Variants in SANBR observed in about 807,000 individuals in gnomAD.
SANBR encodes SANT and BTB domain regulator of class switch recombination.
A neutral mutation model predicts 101.8 loss-of-function variants in SANBR; 77 were observed. That is an observed-to-expected ratio of 0.76 (90% CI 0.63 to 0.91). The LOEUF (loss-of-function observed/expected upper bound fraction) is 0.91. Ranked by LOEUF, SANBR falls within the 40% of genes least tolerant of loss-of-function variation. The probability of loss-of-function intolerance (pLI) is 0.00; values close to 1 mark genes in which losing one functional copy is unlikely to be tolerated. For missense variants in SANBR, 875 were observed against 853.0 expected, an observed-to-expected ratio of 1.03 and a Z score of -0.32; for synonymous variants, 279 against 274.7, an observed-to-expected ratio of 1.02 and a Z score of -0.15.
At chr2:61,106,759 T>G (rs879728759) in intron 14 of SANBR, 97 bp downstream of exon 14, 2 of 699,722 alleles carry the variant, frequency 2.9e-6, no homozygotes, top group East Asian at 2.9e-5. Context: ...GAAATTGAAC[T>G]GACTACCTAA....
chr2:61,096,827 T>G (rs1406079123), intron 11 of SANBR, among the ~76,000 whole-genome samples: 5 of 152,188 alleles, frequency 3.3e-5, no homozygotes, highest in African/African-American at 1.2e-4. Context: ...GTCATAATTT[T>G]TATTAATACT....
chr2:61,133,881 G>T (rs1236157928), intron 20 of SANBR, among the ~76,000 whole-genome samples: 1 of 152,206 alleles, frequency 6.6e-6, no homozygotes, highest in Non-Finnish European at 1.5e-5. Context: ...GGTTGCATAA[G>T]TCTGAGAGTA....
intron 3 of SANBR, among the ~76,000 whole-genome samples, chr2:61,071,078 T>A (rs927496132): frequency 6.6e-6 from 1 of 152,094 alleles, no homozygotes; most frequent in Non-Finnish European, 1.5e-5. Context: ...TAAAGCACAT[T>A]AAAACTCTAC....
intron 14 of SANBR, among the ~76,000 whole-genome samples, chr2:61,107,686 G>T (rs1683639857): frequency 6.6e-6 from 1 of 152,168 alleles, no homozygotes; most frequent in Non-Finnish European, 1.5e-5. Flanking sequence ...AGGAGTCCAA[G>T]ACCAGTCTGG....
Position 61,122,371 on chromosome 2 carries a change from T to G in SANBR, c.*209T>G. 1 of 1,254,970 alleles carries G rather than the reference T, an allele frequency of 8.0e-7. No individual in the cohort carries two copies. Among genetic ancestry groups the G allele is most frequent in the Non-Finnish European group, 1.0e-6 (1 of 984,932 alleles). The allele number at this position is 1,254,970 out of a possible 1,614,324, so 77.7% of individuals were successfully genotyped here. On this transcript the variant is annotated 3_prime_UTR_variant, in exon 22 of 22. Coordinates refer to ENST00000402291, the MANE Select transcript of SANBR (RefSeq NM_001129993.3). ...ATGAAACTTTTTAAATCTGATTTTC[T>G]TCTAATATCATTCTAGGCTATGTAG...
At chr2:61,121,125 A>G in intron 20 of SANBR, 60 bp from the exon 21 acceptor site, 1 of 1,172,522 alleles carries the variant, frequency 8.5e-7, no homozygotes, top group East Asian at 2.6e-5. Context: ...ATCCCATTTT[A>G]ATAAAGCAGA....
chr2:61,117,789 A>G lies in SANBR; in HGVS notation c.1940-239A>G, dbSNP rs1684145773. 2.6e-5 allele frequency among the ~76,000 whole-genome samples: 4 copies of G among 152,330 alleles called. No homozygotes were observed. The South Asian group carries it at 8.3e-4, about 32-fold the overall frequency. On this transcript the variant is annotated intron_variant, in intron 19 of 21. Transcript: ENST00000402291. Reference sequence around the variant, plus strand: ...CCTTTGCCCATTATTTTCACCATAAAGATGACTGAATATGTTTTAGGCTGT... The same window carrying G: ...CCTTTGCCCATTATTTTCACCATAAGGATGACTGAATATGTTTTAGGCTGT...
chr2:61,070,660 C>T (rs1681412744), intron 3 of SANBR, among the ~76,000 whole-genome samples, 160 bp downstream of exon 3: 1 of 147,118 alleles, frequency 6.8e-6, no homozygotes, highest in African/African-American at 2.5e-5. Context: ...ATGCAAATTA[C>T]ATAAATTTTA....
chr2:61,109,342 G>A, intron 16 of SANBR, 46 bp downstream of exon 16: 1 of 1,096,460 alleles, frequency 9.1e-7, no homozygotes. Context: ...TTATGAAGGG[G>A]TTACATTCTG....
chr2:61,080,096 C>T (rs1222180553), intron 6 of SANBR, among the ~76,000 whole-genome samples: 6 of 149,072 alleles, frequency 4.0e-5, no homozygotes, highest in African/African-American at 1.5e-4. Flanking sequence ...ACTCGGGAGG[C>T]TGAGGCAGGA....
At chr2:61,114,843 G>T (rs370693712) in intron 16 of SANBR, among the ~76,000 whole-genome samples, 4 of 152,096 alleles carry the variant, frequency 2.6e-5, no homozygotes, top group African/African-American at 9.7e-5. Context: ...TTTTTGTAGA[G>T]ACAAGGTCTC....
intron 21 of SANBR, among the ~76,000 whole-genome samples, chr2:61,121,763 T>C (rs955124700): frequency 1.3e-5 from 2 of 152,208 alleles, no homozygotes; most frequent in African/African-American, 2.4e-5. Flanking sequence ...AATTCCTTAT[T>C]TATGATTCTG....
chr2:61,136,853 C>T (rs1684865679), intron 21 of SANBR, among the ~76,000 whole-genome samples: 1 of 151,546 alleles, frequency 6.6e-6, no homozygotes, highest in Admixed American at 6.6e-5. Context: ...TGCCTGTAAT[C>T]CCAGCTACTT....
intron 9 of SANBR, 54 bp downstream of exon 9, chr2:61,088,299 T>G: frequency 6.4e-7 from 1 of 1,567,816 alleles, no homozygotes; most frequent in South Asian, 1.2e-5. Context: ...CTATATTCTT[T>G]AATTTACTAC....
At position 61,123,267 on chromosome 2, in the gene SANBR, T is replaced by C. The variant is rs986922526; in HGVS notation, c.*1105T>C. 1.0e-6 allele frequency: 1 copy of C among 980,128 alleles called. No homozygotes were observed. Among genetic ancestry groups the C allele is most frequent in the Non-Finnish European group, 1.2e-6 (1 of 825,028 alleles). The allele number at this position is 980,128 out of a possible 1,614,324, so 60.7% of individuals were successfully genotyped here. On this transcript the variant is annotated 3_prime_UTR_variant, in exon 22 of 22. Transcript: ENST00000402291. ...TTTTTTTAAGTCTTAATTTGCCTTA[T>C]AACTGACATTTCTTCAAATTATTCA...
At chr2:61,079,180 C>T (rs1419151381) in intron 6 of SANBR, among the ~76,000 whole-genome samples, 1 of 151,980 alleles carries the variant, frequency 6.6e-6, no homozygotes, top group Non-Finnish European at 1.5e-5. Context: ...GCAGATACAA[C>T]CCACATAAAG....
At chr2:61,103,807 G>A (rs372080110) in intron 12 of SANBR, 46 bp from the exon 13 acceptor site, 7 of 1,573,082 alleles carry the variant, frequency 4.4e-6, no homozygotes, top group Admixed American at 1.7e-5. Flanking sequence ...TTAAAGGAGT[G>A]TTCTATAACA....
At position 61,122,140 on chromosome 2, in the gene SANBR, T is replaced by C. The variant is rs1684355391; in HGVS notation, c.2135T>C (p.Phe712Ser). The C allele has an allele frequency of 1.3e-6, 2 of 1,550,528 alleles. No homozygotes were observed. The change falls in exon 22 of 22, where the codon TTT becomes TCT. Residue 712 changes from phenylalanine to serine, a missense_variant. Physicochemically the swap from Phe to Ser is radical, Grantham distance 155. Transcript: ENST00000402291. Reference protein sequence around the residue: ...SEKNTRSKSRFGQGRPA With the variant: ...SEKNTRSKSRSGQGRPA Reference sequence around the variant, plus strand: ...AAAAAATCTAGGTCTAAAAGTCGTTTTGGTCAAGGGCGTCCTGCATAAAGT... The same window carrying C: ...AAAAAATCTAGGTCTAAAAGTCGTTCTGGTCAAGGGCGTCCTGCATAAAGT...
chr2:61,113,124 C>T (rs758989614), intron 16 of SANBR, among the ~76,000 whole-genome samples: 1 of 152,140 alleles, frequency 6.6e-6, no homozygotes, highest in Non-Finnish European at 1.5e-5. Flanking sequence ...TGTTAAAAAT[C>T]GGTTGACCAT....
Sources: gnomAD v4.1 joint callset for allele counts (sites outside exome capture counted in the v4.1 genomes callset) on GRCh38, gnomAD v4.1.1 for gene constraint, MANE v1.5 for transcripts, NCBI Gene and HGNC (gene_info 2026-07-23, HGNC 2026-07-21) for gene names.